EPHX2: variants seen among roughly 807,000 people sequenced by gnomAD.
The protein encoded by EPHX2 is bifunctional epoxide hydrolase 2.
EPHX2 carries 74 observed loss-of-function variants against 78.7 expected under a neutral mutation model. The ratio of observed to expected loss-of-function variants is 0.94; its 90% CI spans 0.78 to 1.14. The LOEUF is 1.14. Ranked by LOEUF, EPHX2 falls within the 50% of genes most tolerant of loss-of-function variation. The pLI is 0.00. For missense variants in EPHX2, 715 were observed against 702.5 expected (o/e 1.02, Z -0.20); for synonymous variants, 251 against 255.2 (o/e 0.98, Z 0.16).
chr8:27,512,107 A>G, intron 6 of EPHX2, 197 bp downstream of exon 6: 1 of 529,154 alleles, frequency 1.9e-6, no homozygotes, highest in Non-Finnish European at 3.4e-6. Context: ...CAAGAAAAAA[A>G]AAAAAAAAAA....
intron 6 of EPHX2, 51 bp downstream of exon 6, chr8:27,511,961 C>A (rs762578056): frequency 1.7e-5 from 27 of 1,563,686 alleles, no homozygotes; most frequent in Non-Finnish European, 2.3e-5. Flanking sequence ...ACCAGGTCAC[C>A]TAAAACGACC....
downstream of EPHX2, among the ~76,000 whole-genome samples, chr8:27,546,851 T>G (rs1815584475): frequency 6.6e-6 from 1 of 152,178 alleles, no homozygotes; most frequent in South Asian, 2.1e-4. Flanking sequence ...GACTGGCTAC[T>G]TTATAAAGAA....
At chr8:27,518,184 G>A (rs1814527999) in intron 9 of EPHX2, 112 bp downstream of exon 9, 1 of 838,016 alleles carries the variant, frequency 1.2e-6, no homozygotes, top group Non-Finnish European at 1.9e-6. Flanking sequence ...CAGCCTCTGG[G>A]TATAAATTCC....
intron 4 of EPHX2, 130 bp downstream of exon 4, chr8:27,505,276 C>A: frequency 1.2e-6 from 1 of 843,896 alleles, no homozygotes; most frequent in Non-Finnish European, 1.9e-6. Flanking sequence ...TCTCCCAGAC[C>A]ACGTCTTCTC....
At chr8:27,521,511 G>A (rs183425953) in intron 10 of EPHX2, among the ~76,000 whole-genome samples, 1 of 152,162 alleles carries the variant, frequency 6.6e-6, no homozygotes, top group Non-Finnish European at 1.5e-5. Context: ...GGGACTTAAG[G>A]CCTCTTAATT....
At position 27,503,685 on chromosome 8, in the gene EPHX2, GA is replaced by G; in HGVS notation, c.271del (p.Ile91SerfsTer49). 1 of 1,614,010 alleles carries G rather than the reference GA, an allele frequency of 6.2e-7. No homozygotes were observed. Among genetic ancestry groups the G allele is most frequent in the Non-Finnish European group, 8.5e-7 (1 of 1,180,004 alleles). ...VCLPKNFSIK[E>X]IFDKAISARK... ...CCTCCCCAAGAATTTCTCCATAAAAGAAATCTTTGACAAGGCGATTTCAGCC... is the reference window on the plus strand; with the variant it reads ...CCTCCCCAAGAATTTCTCCATAAAAGAATCTTTGACAAGGCGATTTCAGCC... On this transcript the variant is annotated frameshift_variant, in exon 3 of 19. Coordinates refer to ENST00000521400, the MANE Select transcript of EPHX2 (RefSeq NM_001979.6). LOFTEE classifies it high-confidence loss of function.
At chr8:27,511,162 A>G (rs568537601) in intron 5 of EPHX2, among the ~76,000 whole-genome samples, 9 of 152,294 alleles carry the variant, frequency 5.9e-5, no homozygotes, top group Admixed American at 2.6e-4. Flanking sequence ...GAAACCACAT[A>G]AACTGGTATT....
rs766136593 is a variant in EPHX2 at position 27,543,674 on chromosome 8, AG to A, written c.1450-71del. The A allele has an allele frequency of 2.5e-5, 37 of 1,456,170 alleles. 1 individual carries two copies. In the Middle Eastern group the frequency reaches 5.3e-4, roughly 21 times the overall value. The allele number at this position is 1,456,170 out of a possible 1,614,324, so 90.2% of individuals were successfully genotyped here. A position where few individuals can be genotyped will look rare whatever the true frequency, so the allele number is the denominator to read the frequency against. ...TCAGGACCACAGCAGGGTGGCGAGC[AG>A]GGGTCTTTCAGAGGAGGAGGGAGGG... is the stretch of plus-strand genomic sequence containing the variant. On this transcript the variant is annotated intron_variant, in intron 16 of 18. Transcript: ENST00000521400.
chr8:27,494,614 A>C (rs1017937299), intron 1 of EPHX2, among the ~76,000 whole-genome samples: 1 of 152,170 alleles, frequency 6.6e-6, no homozygotes, highest in Non-Finnish European at 1.5e-5. Context: ...CTTCTCCTAG[A>C]TAGTGCCCTA....
intron 6 of EPHX2, among the ~76,000 whole-genome samples, chr8:27,512,987 A>G (rs1814308461): frequency 6.6e-6 from 1 of 152,182 alleles, no homozygotes; most frequent in Non-Finnish European, 1.5e-5. Context: ...CTGACCTTGG[A>G]GACCTTGGGG....
At chr8:27,508,659 G>A (rs61586133) in intron 5 of EPHX2, among the ~76,000 whole-genome samples, 2,026 of 152,294 alleles carry the variant, frequency 0.013, 37 homozygotes, top group African/African-American at 0.046. Flanking sequence ...CTCAGGGGTA[G>A]GAGGAAGAGG....
At chr8:27,514,620 C>T (rs867179311) in intron 6 of EPHX2, among the ~76,000 whole-genome samples, 1 of 152,168 alleles carries the variant, frequency 6.6e-6, no homozygotes, top group Non-Finnish European at 1.5e-5. Context: ...GCTCTGTCCA[C>T]ACAGCCATTC....
At chr8:27,515,590 T>C in intron 6 of EPHX2, 128 bp from the exon 7 acceptor site, 1 of 736,106 alleles carries the variant, frequency 1.4e-6, no homozygotes, top group Non-Finnish European at 2.2e-6. Flanking sequence ...GGTCTTTCAC[T>C]GAGAAATCTG....
chr8:27,508,654 G>T (rs1814110280), intron 5 of EPHX2, among the ~76,000 whole-genome samples: 1 of 152,154 alleles, frequency 6.6e-6, no homozygotes, highest in South Asian at 2.1e-4. Flanking sequence ...TTTGTCTCAG[G>T]GGTAGGAGGA....
intron 7 of EPHX2, 54 bp downstream of exon 7, chr8:27,515,867 A>G: frequency 1.3e-6 from 2 of 1,496,430 alleles, no homozygotes; most frequent in Non-Finnish European, 1.9e-6. Flanking sequence ...GGGAGTCTAG[A>G]TGGTGTGGTC....
chr8:27,491,300 C>A lies in EPHX2; in HGVS notation c.92C>A (p.Ala31Glu). 4 of 1,548,712 alleles carry A rather than the reference C, an allele frequency of 2.6e-6. No individual in the cohort carries two copies. Among genetic ancestry groups the A allele is most frequent in the Non-Finnish European group, 3.5e-6 (4 of 1,158,014 alleles). Residue 31 changes from alanine (A) to glutamate (E), a missense_variant, in exon 1 of 19, where the codon GCG becomes GAG. Physicochemically the swap from Ala to Glu is moderately radical, Grantham distance 107 (BLOSUM62 -1). Transcript: ENST00000521400. ...CTCGGCCGCACGGAGGAGGCCCTGG[C>A]GCTGCCCAGGTAAGGGGGCCCAGCG... ...GVLGRTEEAL[A>E]LPRGLLNDAF...
chr8:27,513,170 C>T (rs568258909), intron 6 of EPHX2, among the ~76,000 whole-genome samples: 1 of 152,308 alleles, frequency 6.6e-6, no homozygotes, highest in East Asian at 1.9e-4. Flanking sequence ...AGGGTGGAGG[C>T]AGCCACCACA....
intron 8 of EPHX2, among the ~76,000 whole-genome samples, chr8:27,517,199 G>A (rs1814488152): frequency 1.3e-5 from 2 of 151,844 alleles, no homozygotes; most frequent in South Asian, 2.1e-4. Flanking sequence ...CTCTATTTTT[G>A]TTGTTCTTTT....
At chr8:27,540,857 G>A (rs1815376093) in intron 15 of EPHX2, among the ~76,000 whole-genome samples, 1 of 152,194 alleles carries the variant, frequency 6.6e-6, no homozygotes, top group Admixed American at 6.5e-5. Context: ...GGATAGCTCA[G>A]CTTGTTCTTC....
Sources: gnomAD v4.1 joint callset for allele counts (sites outside exome capture counted in the v4.1 genomes callset) on GRCh38, gnomAD v4.1.1 for gene constraint, MANE v1.5 for transcripts, NCBI Gene and HGNC (gene_info 2026-07-23, HGNC 2026-07-21) for gene names.